The following FOXP1 variants were observed in gnomAD, a reference collection of about 807,000 sequenced individuals.
The protein encoded by FOXP1 is forkhead box protein P1.
Under a neutral mutation model 98.2 loss-of-function variants are expected in FOXP1, and 15 were observed. The observed-to-expected ratio is 0.15, with a 90% CI of 0.10 to 0.24. The LOEUF (loss-of-function observed/expected upper bound fraction) is 0.24, where lower values mean the gene tolerates loss of function less well. Among genes scored for constraint, FOXP1 ranks in the 10% least tolerant of loss-of-function variants. The pLI is 1.00. For synonymous variants in FOXP1, 371 were observed against 314.5 expected, an observed-to-expected ratio of 1.18 and a Z score of -1.90; for missense variants, 633 against 848.5, an observed-to-expected ratio of 0.75 and a Z score of 3.15.
At chr3:71,084,301 T>G (rs541165829) in intron 7 of FOXP1, among the ~76,000 whole-genome samples, 1 of 151,992 alleles carries the variant, frequency 6.6e-6, no homozygotes, top group Non-Finnish European at 1.5e-5. Context: ...ACCATACTAT[T>G]AAGAGTTCTC....
intron 4 of FOXP1, among the ~76,000 whole-genome samples, chr3:71,340,518 T>C (rs2076951279): frequency 6.6e-6 from 1 of 152,150 alleles, no homozygotes; most frequent in South Asian, 2.1e-4. Context: ...AACAAGAAAA[T>C]TGCATTTTAT....
intron 6 of FOXP1, among the ~76,000 whole-genome samples, chr3:71,166,257 C>G (rs908309497): frequency 1.3e-5 from 2 of 152,100 alleles, no homozygotes; most frequent in African/African-American, 4.8e-5. Flanking sequence ...GAGGAAAAGA[C>G]AAGTACATGA....
chr3:71,482,834 C>CTT (rs777721460), intron 3 of FOXP1, among the ~76,000 whole-genome samples: 2 of 142,194 alleles, frequency 1.4e-5, no homozygotes, highest in Non-Finnish European at 3.1e-5. Flanking sequence ...TCTTATGTCA[C>CTT]TTTTTTTTTT....
intron 17 of FOXP1, among the ~76,000 whole-genome samples, chr3:70,974,921 C>T (rs1297927112): frequency 6.6e-6 from 1 of 152,110 alleles, no homozygotes. Flanking sequence ...GTTCTGTTTT[C>T]CAAAACTGCA....
chr3:71,242,946 G>A (rs2067412478), intron 5 of FOXP1, among the ~76,000 whole-genome samples: 1 of 152,154 alleles, frequency 6.6e-6, no homozygotes, highest in African/African-American at 2.4e-5. Context: ...TTTCAAGGTA[G>A]AGCTAGGGCA....
chr3:71,354,019 G>C (rs1044248835), intron 4 of FOXP1, among the ~76,000 whole-genome samples: 1 of 152,006 alleles, frequency 6.6e-6, no homozygotes, highest in South Asian at 2.1e-4. Flanking sequence ...AAAGAGAAGA[G>C]AATTGGGCTG....
chr3:71,285,824 G>T (rs2072061039), intron 5 of FOXP1, among the ~76,000 whole-genome samples: 1 of 152,178 alleles, frequency 6.6e-6, no homozygotes, highest in African/African-American at 2.4e-5. Context: ...GTGGCCTGGG[G>T]TCTGTCATTT....
intron 2 of FOXP1, among the ~76,000 whole-genome samples, chr3:71,521,234 T>C (rs1052752559): frequency 2.0e-5 from 3 of 151,880 alleles, no homozygotes; most frequent in Admixed American, 1.3e-4. Context: ...GAAGTAAATA[T>C]AAGAAGGGGC....
At chr3:71,009,366 C>A (rs1023572833) in intron 12 of FOXP1, among the ~76,000 whole-genome samples, 1 of 152,068 alleles carries the variant, frequency 6.6e-6, no homozygotes, top group Admixed American at 6.6e-5. Context: ...GTTCCTTACG[C>A]ATGGTCAACG....
intron 7 of FOXP1, among the ~76,000 whole-genome samples, chr3:71,079,015 G>A (rs573410245): frequency 1.1e-4 from 16 of 152,038 alleles, no homozygotes; most frequent in Admixed American, 2.0e-4. Context: ...GCCCACTCAC[G>A]GTTTGGTTTT....
Position 70,979,312 on chromosome 3 carries a change from A to AAAAAAAAAAAAAAAAAAAAAAAAC in FOXP1, c.1147-1284_1147-1283insGTTTTTTTTTTTTTTTTTTTTTTT. 1.3e-5 allele frequency among the ~76,000 whole-genome samples: 2 copies of AAAAAAAAAAAAAAAAAAAAAAAAC among 148,158 alleles called. 1 individual carries two copies. Among genetic ancestry groups the AAAAAAAAAAAAAAAAAAAAAAAAC allele is most frequent in the Middle Eastern group, 6.5e-3 (2 of 310 alleles). On this transcript the variant is annotated intron_variant, in intron 14 of 20. Transcript: ENST00000649528. ...AAAAAAAAAAAAAAAAAAAAAAAAAAAAAAAAAAGAAAAAAATAAATTAAT... is the reference window on the plus strand; with the variant it reads ...AAAAAAAAAAAAAAAAAAAAAAAAAAAAAAAAAAAAAAAAAAAAAAAAACAAAAAAAAGAAAAAAATAAATTAAT...
chr3:70,978,097 G>C, intron 14 of FOXP1, 68 bp from the exon 15 acceptor site: 1 of 1,335,990 alleles, frequency 7.5e-7, no homozygotes, highest in Non-Finnish European at 1.1e-6. Flanking sequence ...ACCACATCTA[G>C]CAGGAGTAAC....
At chr3:70,979,596 C>CACTT (rs1425230369) in intron 14 of FOXP1, among the ~76,000 whole-genome samples, 13 of 145,586 alleles carry the variant, frequency 8.9e-5, no homozygotes, top group African/African-American at 3.0e-4. Context: ...GATTTCAAAT[C>CACTT]ACTTACCATA....
intron 6 of FOXP1, among the ~76,000 whole-genome samples, chr3:71,137,107 T>C (rs946248967): frequency 6.6e-6 from 1 of 152,130 alleles, no homozygotes; most frequent in Non-Finnish European, 1.5e-5. Context: ...AGGGGGTTAG[T>C]GTAGTGGGTG....
intron 18 of FOXP1, 154 bp downstream of exon 18, chr3:70,972,401 A>G (rs1362694388): frequency 8.6e-7 from 1 of 1,162,418 alleles, no homozygotes; most frequent in African/African-American, 1.5e-5. Context: ...TGGGTATACA[A>G]AACAGGAGGG....
At chr3:71,582,075 G>T (rs1376440693) in intron 1 of FOXP1, 4 of 982,804 alleles carry the variant, frequency 4.1e-6, no homozygotes, top group Non-Finnish European at 4.8e-6. Flanking sequence ...AGCTGCGCGG[G>T]AATGGGGGGC....
chr3:71,017,008 A>T (rs1026941936), intron 11 of FOXP1, among the ~76,000 whole-genome samples: 11 of 151,190 alleles, frequency 7.3e-5, no homozygotes, highest in South Asian at 2.1e-4. Context: ...GTCTTAGAAT[A>T]AAAAAAAAGG....
intron 2 of FOXP1, among the ~76,000 whole-genome samples, chr3:71,502,539 G>A (rs1436240216): frequency 2.0e-5 from 3 of 152,192 alleles, no homozygotes; most frequent in Non-Finnish European, 4.4e-5. Context: ...AACAACTCAA[G>A]GTGGTAAACA....
chr3:71,113,600 C>A (rs2058111364), intron 6 of FOXP1, among the ~76,000 whole-genome samples: 1 of 151,980 alleles, frequency 6.6e-6, no homozygotes, highest in Non-Finnish European at 1.5e-5. Flanking sequence ...ATAATCCCAG[C>A]TTCTTGGGAG....
Sources: allele counts gnomAD v4.1 joint callset (sites outside exome capture counted in the v4.1 genomes callset), GRCh38; gene constraint gnomAD v4.1.1; transcripts MANE v1.5; gene names NCBI Gene and HGNC (gene_info 2026-07-23, HGNC 2026-07-21).